ROBO1: variants seen among roughly 807,000 people sequenced by gnomAD.
ROBO1 encodes roundabout homolog 1.
ROBO1 carries 149 observed loss-of-function variants against 195.9 expected under a neutral mutation model. The observed-to-expected ratio is 0.76, with a 90% CI of 0.67 to 0.87. The LOEUF is 0.87. ROBO1 is among the 40% of genes least tolerant of loss of function. The pLI, the probability that ROBO1 is intolerant of heterozygous loss-of-function variation, is 0.00. For synonymous variants in ROBO1, 816 were observed against 733.2 expected (o/e 1.11, Z -1.82); for missense variants, 1,933 against 2,068.3 (o/e 0.93, Z 1.27).
intron 2 of ROBO1, among the ~76,000 whole-genome samples, chr3:79,163,363 T>C (rs1459263732): frequency 6.6e-6 from 1 of 152,154 alleles, no homozygotes; most frequent in Non-Finnish European, 1.5e-5. Context: ...AGAATCCCCT[T>C]CCTTTTTAAG....
Position 78,916,133 on chromosome 3 carries a change from G to C in ROBO1, c.499+22468C>G, listed in dbSNP as rs574945121. On this transcript the variant is annotated intron_variant, in intron 4 of 30. Coordinates refer to ENST00000464233, the MANE Select transcript of ROBO1 (RefSeq NM_002941.4). Reference sequence around the variant, plus strand: ...GGGTGTGGTGGCGGCGCCTGTAGTCGCAGCCACTCGGGAGGCTGAGGCAGG... The same window carrying C: ...GGGTGTGGTGGCGGCGCCTGTAGTCCCAGCCACTCGGGAGGCTGAGGCAGG... Among the ~76,000 whole-genome samples, 497 of 150,798 alleles carry C rather than the reference G, an allele frequency of 3.3e-3. 5 individuals carry two copies. The highest frequency in any genetic ancestry group is 4.4e-3 in the Non-Finnish European group (301 of 67,804).
intron 2 of ROBO1, among the ~76,000 whole-genome samples, chr3:79,381,100 C>G (rs969794576): frequency 5.9e-5 from 9 of 151,888 alleles, no homozygotes; most frequent in Admixed American, 2.0e-4. Context: ...GGCTCACGCC[C>G]GTAATCCCAG....
At chr3:79,023,703 T>G (rs1365614906) in intron 3 of ROBO1, among the ~76,000 whole-genome samples, 2 of 128,554 alleles carry the variant, frequency 1.6e-5, no homozygotes, top group African/African-American at 3.0e-5. Flanking sequence ...AGAGTTTTTT[T>G]TTTTTTTTTT....
chr3:79,301,528 G>A (rs1023209074), intron 2 of ROBO1, among the ~76,000 whole-genome samples: 1 of 152,166 alleles, frequency 6.6e-6, no homozygotes, highest in African/African-American at 2.4e-5. Flanking sequence ...CTTACTTCCA[G>A]TGTTTCAACC....
intron 2 of ROBO1, among the ~76,000 whole-genome samples, chr3:79,298,021 A>C (rs1266218478): frequency 6.6e-6 from 1 of 152,138 alleles, no homozygotes; most frequent in East Asian, 1.9e-4. Context: ...ATGTTTCACT[A>C]TATGTGAAAT....
intron 4 of ROBO1, among the ~76,000 whole-genome samples, chr3:78,905,672 T>A (rs537966763): frequency 7.2e-5 from 11 of 152,168 alleles, no homozygotes; most frequent in Admixed American, 7.2e-4. Context: ...GATAGATGAC[T>A]ATACCTGGAA....
In ROBO1 at chr3:78,617,779, C is replaced by T; in HGVS notation, c.4138G>A (p.Glu1380Lys). Residue 1380 changes from glutamate (E) to lysine (K), a missense_variant, in exon 27 of 31, where the codon GAG (glutamate) becomes AAG (lysine). By Grantham distance (56) the Glu-to-Lys change is moderately conservative (BLOSUM62 1). Transcript: ENST00000464233. ...MINGWGSASE[E>K]DNISSGRSSV... is the part of the protein sequence containing the mutation. ...GAGCGTCCGCTGGAAATGTTGTCCT[C>T]CTCTGAGGCTGAGCCCCAGCCGTTG... is the stretch of plus-strand genomic sequence containing the variant. 6.2e-6 allele frequency: 10 copies of T among 1,613,876 alleles called. No homozygotes were observed. The highest frequency in any genetic ancestry group is 1.1e-5 in the South Asian group (1 of 91,084).
At chr3:78,787,539 G>C (rs908321919) in intron 4 of ROBO1, among the ~76,000 whole-genome samples, 2 of 152,164 alleles carry the variant, frequency 1.3e-5, no homozygotes, top group African/African-American at 4.8e-5. Context: ...CTTGGGTCTT[G>C]TGATCCACGT....
rs371454772 is a variant in ROBO1, at chr3:78,938,725, T to C, written c.375A>G (p.Gly125=). 4 of 1,613,794 alleles carry C rather than the reference T, an allele frequency of 2.5e-6. No individual in the cohort carries two copies. In the African/African-American group the frequency reaches 4.0e-5, roughly 16 times the overall value. The change falls in exon 4 of 31, where the codon GGA becomes GGG. Residue 125 remains glycine (G), a synonymous_variant. Transcript: ENST00000464233. ...GTACTATACGTAAGAAAAATAAAGA[T>C]CCACTCGGCAGCAACATTCGGTGTG... ...PRSHRMLLPS[G]SLFFLRIVHG...
intron 1 of ROBO1, among the ~76,000 whole-genome samples, chr3:79,614,663 T>C (rs1944764244): frequency 2.0e-5 from 3 of 152,082 alleles, no homozygotes. Flanking sequence ...AAATGTAAGA[T>C]TTCTGTGCTG....
At position 78,788,426 on chromosome 3, in the gene ROBO1, CTT is replaced by C. The variant is rs373965044; in HGVS notation, c.500-41528_500-41527del. Among the ~76,000 whole-genome samples the C allele has an allele frequency of 6.8e-3, 501 of 73,856 alleles. 3 individuals are homozygous for C. The highest frequency in any genetic ancestry group is 0.014 in the African/African-American group (287 of 20,368). The allele number at this position is 73,856 out of a possible 152,430, so 48.5% of individuals were successfully genotyped here. A position where few individuals can be genotyped will look rare whatever the true frequency, so the allele number is the denominator to read the frequency against. Reference sequence around the variant, plus strand: ...AGCCACCGCTCCCAGCCTCTCTTTTCTTTTTTTTTTTTTTAAAAAAAAAAAAA... The same window carrying C: ...AGCCACCGCTCCCAGCCTCTCTTTTCTTTTTTTTTTTTAAAAAAAAAAAAA... On this transcript the variant is annotated intron_variant, in intron 4 of 30. Transcript: ENST00000464233.
At chr3:79,248,340 C>G (rs2082660761) in intron 2 of ROBO1, among the ~76,000 whole-genome samples, 1 of 132,512 alleles carries the variant, frequency 7.5e-6, no homozygotes, top group Non-Finnish European at 1.5e-5. Flanking sequence ...AGAGTTTATG[C>G]CTAATAGATA....
intron 1 of ROBO1, among the ~76,000 whole-genome samples, chr3:79,616,954 C>T (rs1944842819): frequency 1.3e-5 from 2 of 152,244 alleles, no homozygotes; most frequent in South Asian, 4.1e-4. Context: ...GAGGATCCAC[C>T]CCAAGGCCAT....
chr3:79,761,709 G>A (rs1438072260), intron 1 of ROBO1, among the ~76,000 whole-genome samples: 9 of 152,300 alleles, frequency 5.9e-5, no homozygotes, highest in Admixed American at 5.9e-4. Flanking sequence ...TGACTCATGT[G>A]ATCTAATTTA....
At chr3:79,383,372 T>C (rs2036634082) in intron 2 of ROBO1, among the ~76,000 whole-genome samples, 1 of 152,054 alleles carries the variant, frequency 6.6e-6, no homozygotes, top group Non-Finnish European at 1.5e-5. Flanking sequence ...ATTTACCATG[T>C]TTAAAACTGT....
chr3:79,318,226 C>T (rs1391466802), intron 2 of ROBO1, among the ~76,000 whole-genome samples: 1 of 152,168 alleles, frequency 6.6e-6, no homozygotes, highest in Non-Finnish European at 1.5e-5. Context: ...CTCACAGAAA[C>T]ACCCAAAATA....
At chr3:79,699,293 A>G (rs1947541388) in intron 1 of ROBO1, among the ~76,000 whole-genome samples, 2 of 151,412 alleles carry the variant, frequency 1.3e-5, no homozygotes, top group South Asian at 2.1e-4. Context: ...ATTCCATGAT[A>G]TGTTACTAAA....
chr3:79,022,008 A>T (rs1290863614), intron 3 of ROBO1, among the ~76,000 whole-genome samples: 2 of 152,168 alleles, frequency 1.3e-5, no homozygotes, highest in Non-Finnish European at 2.9e-5. Context: ...ATCTTCAAGG[A>T]ACTAACTTTT....
chr3:79,305,041 A>T (rs2033154275), intron 2 of ROBO1, among the ~76,000 whole-genome samples: 1 of 152,090 alleles, frequency 6.6e-6, no homozygotes, highest in Admixed American at 6.5e-5. Context: ...AGTTTTGGGC[A>T]TTTTATTAGG....
Sources: gnomAD v4.1 joint callset for allele counts (sites outside exome capture counted in the v4.1 genomes callset) on GRCh38, gnomAD v4.1.1 for gene constraint, MANE v1.5 for transcripts, NCBI Gene and HGNC (gene_info 2026-07-23, HGNC 2026-07-21) for gene names.